Variants in SYNE2 observed in about 807,000 individuals in gnomAD.
The protein encoded by SYNE2 is nesprin-2.
Under a neutral mutation model 856.3 loss-of-function variants are expected in SYNE2, and 431 were observed. The ratio of observed to expected loss-of-function variants is 0.50; its 90% CI spans 0.47 to 0.55. The LOEUF is 0.55. SYNE2 is among the 20% of genes least tolerant of loss of function. The probability of loss-of-function intolerance (pLI) is 0.00; values close to 1 mark genes in which losing one functional copy is unlikely to be tolerated. For missense variants in SYNE2, 8,129 were observed against 8,023.2 expected (o/e 1.01, Z -0.50); for synonymous variants, 2,923 against 2,872.3 (o/e 1.02, Z -0.56).
chr14:63,950,102 A>T lies in SYNE2; in HGVS notation c.590+96A>T, dbSNP rs2096126703. The stretch of plus-strand genomic sequence containing the variant: ...AACACCTCCCTCACTTAACATGAAA[A>T]TTCTCACTATCCCCCTTCCTCTCTG... On this transcript the variant is annotated intron_variant, in intron 7 of 115. Coordinates refer to ENST00000555002, the MANE Select transcript of SYNE2 (RefSeq NM_182914.3). The T allele has an allele frequency of 3.9e-6, 5 of 1,271,414 alleles. No individual in the cohort carries two copies. The East Asian group carries it at 1.2e-4, about 29-fold the overall frequency. The allele number at this position is 1,271,414 out of a possible 1,614,324, so 78.8% of individuals were successfully genotyped here. A position where few individuals can be genotyped will look rare whatever the true frequency, so the allele number is the denominator to read the frequency against.
At chr14:64,171,178 CA>C (rs1363786682) in intron 94 of SYNE2, among the ~76,000 whole-genome samples, 1 of 152,206 alleles carries the variant, frequency 6.6e-6, no homozygotes, top group East Asian at 1.9e-4. Flanking sequence ...ACAGGATTAG[CA>C]TAGGTGGTTG....
rs2098127020 is a variant in SYNE2 at position 64,139,935 on chromosome 14, TGTTA to T, written c.14844-1_14846del. The T allele has an allele frequency of 1.2e-6, 2 of 1,614,074 alleles. No homozygotes were observed. Among genetic ancestry groups the T allele is most frequent in the South Asian group, 1.1e-5 (1 of 91,086 alleles). On this transcript the variant is annotated splice_acceptor_variant and splice_polypyrimidine_tract_variant and intron_variant, in intron 79 of 115. Coordinates refer to ENST00000555002, the MANE Select transcript of SYNE2 (RefSeq NM_182914.3). LOFTEE classifies it high-confidence loss of function. ...TCTGCCTTCTCTCTCACTTTGCTCCTGTTAGTTATAACAGAGATTCGGATCAGTT... is the reference window on the plus strand; with the variant it reads ...TCTGCCTTCTCTCTCACTTTGCTCCTGTTATAACAGAGATTCGGATCAGTT...
chr14:63,970,467 G>A (rs1203734953), intron 11 of SYNE2, among the ~76,000 whole-genome samples: 1 of 151,984 alleles, frequency 6.6e-6, no homozygotes, highest in Admixed American at 6.6e-5. Flanking sequence ...CAAAGTGTTG[G>A]GATTACAGGC....
chr14:63,921,997 G>A (rs1256246870), intron 2 of SYNE2, among the ~76,000 whole-genome samples: 1 of 152,148 alleles, frequency 6.6e-6, no homozygotes, highest in Non-Finnish European at 1.5e-5. Context: ...GCTTTCAATA[G>A]ATGTTTTGTT....
intron 13 of SYNE2, among the ~76,000 whole-genome samples, chr14:63,978,644 GA>G (rs1471341328): frequency 6.6e-6 from 1 of 152,078 alleles, no homozygotes; most frequent in Non-Finnish European, 1.5e-5. Context: ...TTCTGTTTTT[GA>G]TGTTTTTACC....
At chr14:64,130,897 A>AG (rs889831132) in intron 76 of SYNE2, among the ~76,000 whole-genome samples, 162 of 151,040 alleles carry the variant, frequency 1.1e-3, no homozygotes, top group African/African-American at 2.3e-3. Context: ...AAAAAAAAAA[A>AG]AAGAAGAAAA....
At chr14:64,018,611 C>G (rs73277544) in intron 34 of SYNE2, among the ~76,000 whole-genome samples, 82 of 152,324 alleles carry the variant, frequency 5.4e-4, no homozygotes, top group African/African-American at 1.9e-3. Flanking sequence ...TCTGCCACAA[C>G]TGTTCAACCC....
chr14:64,009,540 A>G (rs2096827547), intron 31 of SYNE2, among the ~76,000 whole-genome samples: 2 of 145,820 alleles, frequency 1.4e-5, no homozygotes, highest in African/African-American at 5.3e-5. Flanking sequence ...TGTCTCAAAA[A>G]AAAAAAAAAA....
intron 2 of SYNE2, among the ~76,000 whole-genome samples, chr14:63,924,697 T>C (rs2095638780): frequency 6.6e-6 from 1 of 152,196 alleles, no homozygotes; most frequent in South Asian, 2.1e-4. Context: ...AATTTTTGTA[T>C]ATTTAGCTTG....
At chr14:64,138,811 GA>G (rs2098116239) in intron 79 of SYNE2, among the ~76,000 whole-genome samples, 3 of 152,142 alleles carry the variant, frequency 2.0e-5, no homozygotes, top group Admixed American at 6.5e-5. Flanking sequence ...AAAGTTACAA[GA>G]AGGGCAGAAT....
Position 64,049,754 on chromosome 14 carries a change from A to T in SYNE2, c.7521A>T (p.Ala2507=). 1 of 1,614,172 alleles carries T rather than the reference A, an allele frequency of 6.2e-7. No individual in the cohort carries two copies. Among genetic ancestry groups the T allele is most frequent in the Non-Finnish European group, 8.5e-7 (1 of 1,180,008 alleles). The change falls in exon 47 of 116, where the codon GCA becomes GCT. Residue 2507 remains alanine (A), a synonymous_variant. Transcript: ENST00000555002. Reference sequence around the variant, plus strand: ...AGCATTTGGACAATTTGCTTCAGGCACTTATTACTTTGAAGAAAAACAAAG... The same window carrying T: ...AGCATTTGGACAATTTGCTTCAGGCTCTTATTACTTTGAAGAAAAACAAAG... ...SAQHLDNLLQ[A]LITLKKNKES...
chr14:63,998,906 T>C lies in SYNE2; in HGVS notation c.3354-8T>C, dbSNP rs1352744266. 5 of 1,613,780 alleles carry C rather than the reference T, an allele frequency of 3.1e-6. No homozygotes were observed. In the African/African-American group the frequency reaches 6.7e-5, roughly 22 times the overall value. ...AACTATTGTGATGTTGCATTTCATT[T>C]TGCCCAGGTATGATACATACAGAGA... On this transcript the variant is annotated splice_polypyrimidine_tract_variant and splice_region_variant and intron_variant, in intron 26 of 115. Coordinates refer to ENST00000555002, the MANE Select transcript of SYNE2 (RefSeq NM_182914.3).
chr14:63,881,485 C>A (rs1188417027), intron 1 of SYNE2, among the ~76,000 whole-genome samples: 1 of 151,360 alleles, frequency 6.6e-6, no homozygotes, highest in Non-Finnish European at 1.5e-5. Flanking sequence ...CCTGTCTCTA[C>A]AATAAATAAA....
intron 2 of SYNE2, among the ~76,000 whole-genome samples, chr14:63,938,624 G>A (rs1307414584): frequency 6.6e-6 from 1 of 152,048 alleles, no homozygotes; most frequent in Non-Finnish European, 1.5e-5. Context: ...GTGGCCATGA[G>A]GAGGGAGGAA....
chr14:64,076,740 A>AT (rs35509549), intron 54 of SYNE2, among the ~76,000 whole-genome samples: 1,322 of 122,174 alleles, frequency 0.011, 21 homozygotes, highest in African/African-American at 0.027. Context: ...CCACAGAAGG[A>AT]TTTTTTTTTT....
intron 2 of SYNE2, among the ~76,000 whole-genome samples, chr14:63,934,917 G>C (rs2153406093): frequency 6.6e-6 from 1 of 152,152 alleles, no homozygotes; most frequent in Admixed American, 6.5e-5. Context: ...TTTTACATGT[G>C]ACCCCGATTA....
intron 1 of SYNE2, among the ~76,000 whole-genome samples, chr14:63,843,260 C>T (rs1454292967): frequency 6.6e-6 from 1 of 151,726 alleles, no homozygotes; most frequent in African/African-American, 2.4e-5. Context: ...GCAATGTTGC[C>T]GAGGCTGGTC....
At chr14:63,960,867 A>G in intron 8 of SYNE2, 1 of 650,546 alleles carries the variant, frequency 1.5e-6, no homozygotes, top group Non-Finnish European at 2.8e-6. Context: ...CAACATAGAG[A>G]GACCCTGTCT....
intron 84 of SYNE2, among the ~76,000 whole-genome samples, chr14:64,152,290 G>T (rs1183765986): frequency 6.6e-6 from 1 of 152,154 alleles, no homozygotes; most frequent in Non-Finnish European, 1.5e-5. Flanking sequence ...GCCAGTGCAG[G>T]GCAGACGTGG....
Sources: gnomAD v4.1 joint callset for allele counts (sites outside exome capture counted in the v4.1 genomes callset) on GRCh38, gnomAD v4.1.1 for gene constraint, MANE v1.5 for transcripts, NCBI Gene and HGNC (gene_info 2026-07-23, HGNC 2026-07-21) for gene names.